RABGAP1L: variants seen among roughly 807,000 people sequenced by gnomAD.
The protein encoded by RABGAP1L is rab GTPase-activating protein 1-like.
RABGAP1L carries 63 observed loss-of-function variants against 137.7 expected under a neutral mutation model. The observed-to-expected ratio is 0.46, with a 90% CI of 0.37 to 0.56. The LOEUF is 0.56. Ranked by LOEUF, RABGAP1L falls within the 20% of genes least tolerant of loss-of-function variation. RABGAP1L has a pLI of 0.00. For synonymous variants in RABGAP1L, 431 were observed against 433.7 expected (o/e 0.99, Z 0.08); for missense variants, 1,095 against 1,244.0 (o/e 0.88, Z 1.80).
chr1:174,784,308 C>T (rs548602751), intron 18 of RABGAP1L, among the ~76,000 whole-genome samples: 21 of 152,152 alleles, frequency 1.4e-4, no homozygotes, highest in East Asian at 3.9e-4. Context: ...CTTGAGCCAC[C>T]GCGCCTGGAC....
At chr1:174,182,939 C>G (rs1022365160) in intron 1 of RABGAP1L, among the ~76,000 whole-genome samples, 1 of 152,110 alleles carries the variant, frequency 6.6e-6, no homozygotes, top group Non-Finnish European at 1.5e-5. Flanking sequence ...CCAGAAATAA[C>G]TTCTGTGAAC....
At chr1:174,202,794 T>G (rs1400269016) in intron 1 of RABGAP1L, among the ~76,000 whole-genome samples, 1 of 152,154 alleles carries the variant, frequency 6.6e-6, no homozygotes, top group Non-Finnish European at 1.5e-5. Flanking sequence ...GGTCTAACAT[T>G]TAAGTCTTTA....
chr1:174,393,568 A>G (rs1647429907), intron 12 of RABGAP1L, among the ~76,000 whole-genome samples: 3 of 152,180 alleles, frequency 2.0e-5, no homozygotes, highest in Admixed American at 6.5e-5. Context: ...TGATAGGCCT[A>G]TGATCCGTTT....
At chr1:174,489,578 G>T (rs993940701) in intron 13 of RABGAP1L, among the ~76,000 whole-genome samples, 2 of 151,574 alleles carry the variant, frequency 1.3e-5, no homozygotes, top group Non-Finnish European at 2.9e-5. Context: ...TATATGGTTG[G>T]TGGGACTGTA....
chr1:174,895,926 A>G (rs1331902415), intron 19 of RABGAP1L, among the ~76,000 whole-genome samples: 1 of 152,216 alleles, frequency 6.6e-6, no homozygotes. Context: ...TCTTGATAGC[A>G]GCATAATTTC....
intron 1 of RABGAP1L, among the ~76,000 whole-genome samples, chr1:174,165,684 A>G (rs1291219956): frequency 6.6e-6 from 1 of 151,858 alleles, no homozygotes; most frequent in Non-Finnish European, 1.5e-5. Flanking sequence ...TTACTTGTAG[A>G]GACGGGGTCT....
chr1:174,662,335 CTCAAGTGA>C (rs1676449486), intron 14 of RABGAP1L, among the ~76,000 whole-genome samples: 1 of 152,092 alleles, frequency 6.6e-6, no homozygotes, highest in South Asian at 2.1e-4. Context: ...AACTCCTGAC[CTCAAGTGA>C]TCCATCCGCC....
At chr1:174,581,746 A>G (rs1668766008) in intron 13 of RABGAP1L, among the ~76,000 whole-genome samples, 1 of 152,222 alleles carries the variant, frequency 6.6e-6, no homozygotes, top group Admixed American at 6.5e-5. Flanking sequence ...ATTATTTATA[A>G]TATTTCTGGG....
intron 12 of RABGAP1L, among the ~76,000 whole-genome samples, chr1:174,377,974 C>G (rs1685720096): frequency 1.6e-5 from 2 of 123,914 alleles, no homozygotes; most frequent in Non-Finnish European, 3.2e-5. Flanking sequence ...TGTGATATTC[C>G]CCTTCCTGTG....
intron 18 of RABGAP1L, among the ~76,000 whole-genome samples, chr1:174,795,006 G>A (rs75577832): frequency 0.021 from 3,145 of 152,234 alleles, 53 homozygotes; most frequent in Middle Eastern, 0.082. Context: ...ATGACACAGT[G>A]GAGTGGTTCA....
chr1:174,971,085 G>C (rs1358321317), intron 21 of RABGAP1L, among the ~76,000 whole-genome samples: 2 of 151,762 alleles, frequency 1.3e-5, no homozygotes, highest in African/African-American at 2.4e-5. Flanking sequence ...TTACTGCTAG[G>C]TATCTCTGGG....
chr1:174,219,257 G>T lies in RABGAP1L; in HGVS notation c.100G>T (p.Asp34Tyr). The T allele has an allele frequency of 6.3e-7, 1 of 1,589,966 alleles. No homozygotes were observed. The highest frequency in any genetic ancestry group is 1.2e-5 in the South Asian group (1 of 85,718). ...EFVLVPQYAD[D>Y]NSTKHEEKPQ... ...TGTTTTGGTTCCTCAGTATGCAGAT[G>T]ATAATTCTACAAAACATGAAGAAAA... The change falls in exon 2 of 26, where the codon GAT (aspartate) becomes TAT (tyrosine). Residue 34 changes from aspartate to tyrosine, a missense_variant. By Grantham distance (160) the Asp-to-Tyr change is radical. Transcript: ENST00000681986.
At chr1:174,301,598 G>A (rs1412402044) in intron 10 of RABGAP1L, among the ~76,000 whole-genome samples, 1 of 151,926 alleles carries the variant, frequency 6.6e-6, no homozygotes, top group East Asian at 2.0e-4. Context: ...GAATTGAAGA[G>A]TGAGGAAGGT....
At chr1:174,692,584 A>T (rs776131000) in intron 15 of RABGAP1L, among the ~76,000 whole-genome samples, 2 of 152,206 alleles carry the variant, frequency 1.3e-5, no homozygotes, top group African/African-American at 2.4e-5. Flanking sequence ...TGTCACTTAT[A>T]TGAAAAGCAG....
chr1:174,848,380 T>A (rs1445657109), intron 19 of RABGAP1L, among the ~76,000 whole-genome samples: 1 of 127,164 alleles, frequency 7.9e-6, no homozygotes, highest in African/African-American at 3.2e-5. Flanking sequence ...TGGTCTTTGA[T>A]GATGGTGATG....
intron 11 of RABGAP1L, among the ~76,000 whole-genome samples, chr1:174,349,648 C>T (rs796857364): frequency 7.3e-6 from 1 of 137,070 alleles, no homozygotes; most frequent in African/African-American, 2.7e-5. Flanking sequence ...ACCCCCCCAC[C>T]TCCCTCCCGG....
At chr1:174,683,651 T>C (rs879184162) in intron 15 of RABGAP1L, 55 bp downstream of exon 15, 1 of 1,353,772 alleles carries the variant, frequency 7.4e-7, no homozygotes, top group Non-Finnish European at 1.0e-6. Context: ...TATTTTACTT[T>C]CTACTGGCTT....
chr1:174,275,780 G>A, intron 8 of RABGAP1L, 53 bp from the exon 9 acceptor site: 1 of 1,316,002 alleles, frequency 7.6e-7, no homozygotes, highest in Non-Finnish European at 1.1e-6. Flanking sequence ...GTAATTTAAA[G>A]TAGTGATTTT....
At chr1:174,703,145 G>T (rs897551254) in intron 17 of RABGAP1L, among the ~76,000 whole-genome samples, 1 of 151,894 alleles carries the variant, frequency 6.6e-6, no homozygotes, top group Non-Finnish European at 1.5e-5. Context: ...AAATTTAAGG[G>T]GTACAAGTGA....
Sources: gnomAD v4.1 joint callset for allele counts (sites outside exome capture counted in the v4.1 genomes callset) on GRCh38, gnomAD v4.1.1 for gene constraint, MANE v1.5 for transcripts, NCBI Gene and HGNC (gene_info 2026-07-23, HGNC 2026-07-21) for gene names.